The following MITF variants were observed in gnomAD, a reference collection of about 807,000 sequenced individuals.
The protein encoded by MITF is microphthalmia-associated transcription factor.
Under a neutral mutation model 60.5 loss-of-function variants are expected in MITF, and 17 were observed. The observed-to-expected ratio is 0.28, with a 90% CI of 0.19 to 0.42. The LOEUF is 0.42. MITF is among the 10% of genes least tolerant of loss of function. The pLI, the probability that MITF is intolerant of heterozygous loss-of-function variation, is 1.00. For synonymous variants in MITF, 260 were observed against 248.5 expected, an observed-to-expected ratio of 1.05 and a Z score of -0.43; for missense variants, 622 against 683.5, an observed-to-expected ratio of 0.91 and a Z score of 1.00.
intron 1 of MITF, among the ~76,000 whole-genome samples, chr3:69,798,704 C>A (rs2062869804): frequency 6.6e-6 from 1 of 152,250 alleles, no homozygotes. Context: ...CCCTGGTCTC[C>A]CACATTGCCT....
At chr3:69,945,617 A>T (rs1223662374) in intron 5 of MITF, among the ~76,000 whole-genome samples, 1 of 152,198 alleles carries the variant, frequency 6.6e-6, no homozygotes, top group Non-Finnish European at 1.5e-5. Context: ...GCTTCAGCAA[A>T]TAAGAGCGGT....
At chr3:69,826,455 C>G (rs1184495306) in intron 1 of MITF, among the ~76,000 whole-genome samples, 1 of 152,142 alleles carries the variant, frequency 6.6e-6, no homozygotes, top group Non-Finnish European at 1.5e-5. Flanking sequence ...ATTTAGTTAT[C>G]CATTCTACTG....
chr3:69,793,483 CTACCCATTAGA>C (rs1212401135), intron 1 of MITF, among the ~76,000 whole-genome samples: 2 of 101,134 alleles, frequency 2.0e-5, no homozygotes, highest in East Asian at 1.2e-3. Context: ...TCCCTGGCTT[CTACCCATTAGA>C]TGCTCATAGC....
intron 1 of MITF, among the ~76,000 whole-genome samples, chr3:69,783,923 G>A (rs1371207421): frequency 1.3e-5 from 2 of 152,188 alleles, no homozygotes; most frequent in African/African-American, 4.8e-5. Context: ...GGTCTGAAAT[G>A]TGTCAGCATA....
intron 1 of MITF, among the ~76,000 whole-genome samples, chr3:69,756,533 A>G (rs1704154474): frequency 6.6e-6 from 1 of 151,978 alleles, no homozygotes; most frequent in Admixed American, 6.6e-5. Flanking sequence ...CCAATCTATC[A>G]TTGATGGGCA....
chr3:69,861,858 G>T (rs2064022330), intron 1 of MITF, among the ~76,000 whole-genome samples: 1 of 152,128 alleles, frequency 6.6e-6, no homozygotes, highest in African/African-American at 2.4e-5. Context: ...AGAGTACTTT[G>T]TGAGTTTCAT....
chr3:69,837,994 A>C (rs2063566060), intron 1 of MITF, among the ~76,000 whole-genome samples: 1 of 152,192 alleles, frequency 6.6e-6, no homozygotes, highest in African/African-American at 2.4e-5. Flanking sequence ...GTGCATTCAA[A>C]TTGCCAGCAG....
chr3:69,768,507 G>A lies in MITF; in HGVS notation c.104+28806G>A, dbSNP rs559791019. Among the ~76,000 whole-genome samples the A allele has an allele frequency of 6.6e-5, 10 of 152,256 alleles. No individual in the cohort carries two copies. The South Asian group carries it at 1.2e-3, about 19-fold the overall frequency. On this transcript the variant is annotated intron_variant, in intron 1 of 9. Transcript: ENST00000352241. The stretch of plus-strand genomic sequence containing the variant: ...CATGATATTTTACATGGAAGAATCC[G>A]GGCTGTTGAGTTCCTGATCCAAGAA...
intron 1 of MITF, among the ~76,000 whole-genome samples, chr3:69,794,082 C>T (rs561606644): frequency 3.9e-4 from 59 of 152,256 alleles, no homozygotes; most frequent in South Asian, 1.0e-3. Flanking sequence ...AGGTAGCCAA[C>T]GACCTCTTTC....
At chr3:69,770,612 A>G (rs988759044) in intron 1 of MITF, among the ~76,000 whole-genome samples, 6 of 152,332 alleles carry the variant, frequency 3.9e-5, no homozygotes, top group South Asian at 2.1e-4. Context: ...TTTACTGTGT[A>G]TTGACTGTGC....
At chr3:69,773,130 T>C (rs1202692962) in intron 1 of MITF, among the ~76,000 whole-genome samples, 2 of 152,028 alleles carry the variant, frequency 1.3e-5, no homozygotes, top group African/African-American at 4.8e-5. Flanking sequence ...ATGCCAGTAT[T>C]TGGGGGCAAA....
At chr3:69,868,432 A>G (rs2064157468) in intron 1 of MITF, among the ~76,000 whole-genome samples, 1 of 152,106 alleles carries the variant, frequency 6.6e-6, no homozygotes, top group African/African-American at 2.4e-5. Flanking sequence ...TTAAGATACT[A>G]AATGAATCAA....
chr3:69,825,424 A>G (rs1342631154), intron 1 of MITF, among the ~76,000 whole-genome samples: 1 of 152,180 alleles, frequency 6.6e-6, no homozygotes, highest in East Asian at 1.9e-4. Flanking sequence ...TTGTCTGACA[A>G]ATTGACCATT....
intron 1 of MITF, among the ~76,000 whole-genome samples, chr3:69,802,466 T>A (rs889201202): frequency 6.6e-6 from 1 of 152,134 alleles, no homozygotes; most frequent in Non-Finnish European, 1.5e-5. Flanking sequence ...TTTTGGCAAG[T>A]CCCTTTAACT....
chr3:69,889,102 G>T (rs1338368746), intron 2 of MITF, among the ~76,000 whole-genome samples: 1 of 115,808 alleles, frequency 8.6e-6, no homozygotes, highest in East Asian at 3.1e-4. Flanking sequence ...AATCTTAAAA[G>T]AATGAATTTA....
intron 7 of MITF, among the ~76,000 whole-genome samples, chr3:69,953,587 G>GTA (rs900726957): frequency 3.6e-4 from 53 of 147,376 alleles, no homozygotes; most frequent in South Asian, 8.5e-4. Flanking sequence ...GTGTATGTGT[G>GTA]TATATATATA....
chr3:69,833,337 G>T (rs967674329), intron 1 of MITF, among the ~76,000 whole-genome samples: 1 of 151,914 alleles, frequency 6.6e-6, no homozygotes, highest in African/African-American at 2.4e-5. Flanking sequence ...TTGTTTCCCT[G>T]TTCACACTGT....
chr3:69,896,118 C>T (rs1422210892), intron 2 of MITF, among the ~76,000 whole-genome samples: 1 of 152,130 alleles, frequency 6.6e-6, no homozygotes, highest in African/African-American at 2.4e-5. Context: ...GTTTCTTTAA[C>T]ATGAAAACCT....
chr3:69,790,488 T>G (rs975078212), intron 1 of MITF, among the ~76,000 whole-genome samples: 2 of 152,150 alleles, frequency 1.3e-5, no homozygotes, highest in Non-Finnish European at 2.9e-5. Flanking sequence ...TGTAACATGT[T>G]TGTTTATTTG....
Sources: allele counts gnomAD v4.1 joint callset (sites outside exome capture counted in the v4.1 genomes callset), GRCh38; gene constraint gnomAD v4.1.1; transcripts MANE v1.5; gene names NCBI Gene and HGNC (gene_info 2026-07-23, HGNC 2026-07-21).